Variants in HDAC9 observed in about 807,000 individuals in gnomAD.
The protein encoded by HDAC9 is MEF-2 interacting transcription repressor (MITR) protein.
In HDAC9, 41 loss-of-function variants were observed where a neutral mutation model predicts 139.4. The observed-to-expected ratio is 0.29, with a 90% confidence interval of 0.23 to 0.38. The LOEUF (loss-of-function observed/expected upper bound fraction) is 0.38, where lower values mean the gene tolerates loss of function less well. HDAC9 is among the 10% of genes least tolerant of loss of function. HDAC9 has a pLI of 1.00. For missense variants in HDAC9, 1,147 were observed against 1,297.0 expected, an observed-to-expected ratio of 0.88 and a Z score of 1.78; for synonymous variants, 517 against 476.2, an observed-to-expected ratio of 1.09 and a Z score of -1.12.
At chr7:18,920,857 G>A (rs917242597) in intron 22 of HDAC9, among the ~76,000 whole-genome samples, 10 of 152,196 alleles carry the variant, frequency 6.6e-5, no homozygotes, top group Non-Finnish European at 1.5e-4. Context: ...CTTGATCATG[G>A]TGGATAAGCT....
At position 18,793,356 on chromosome 7, in the gene HDAC9, C is replaced by T. The variant is rs1369838923; in HGVS notation, c.2226C>T (p.Asp742=). The T allele has an allele frequency of 1.3e-6, 2 of 1,574,100 alleles. No individual in the cohort carries two copies. Among genetic ancestry groups the T allele is most frequent in the Admixed American group, 3.7e-5 (2 of 54,062 alleles). Residue 742 remains aspartate, a synonymous_variant, in exon 17 of 26, where the codon GAC becomes GAT. Coordinates refer to ENST00000686413, the MANE Select transcript of HDAC9 (RefSeq NM_178425.4). Reference sequence around the variant, plus strand: ...GACTGTTTGCTCAGGTGGACAGTGACACCATTTGGAATGAGCTACACTCGT... The same window carrying T: ...GACTGTTTGCTCAGGTGGACAGTGATACCATTTGGAATGAGCTACACTCGT... ...LPCGGLGVDS[D]TIWNELHSSG... is the part of the protein sequence containing the mutation.
chr7:18,171,073 C>A (rs1001811504), intron 2 of HDAC9, among the ~76,000 whole-genome samples: 8 of 152,174 alleles, frequency 5.3e-5, no homozygotes, highest in Admixed American at 2.0e-4. Flanking sequence ...TCTTCCTATC[C>A]ATGAGCATGG....
intron 21 of HDAC9, among the ~76,000 whole-genome samples, chr7:18,839,944 T>C (rs1796482521): frequency 1.3e-5 from 2 of 152,090 alleles, no homozygotes. Context: ...CAATTATGAA[T>C]CTCATGCTTC....
At chr7:18,639,777 C>T (rs1159286343) in intron 8 of HDAC9, among the ~76,000 whole-genome samples, 7 of 152,002 alleles carry the variant, frequency 4.6e-5, no homozygotes, top group Non-Finnish European at 1.0e-4. Flanking sequence ...CTGATTGACA[C>T]TCATAAGGAT....
intron 1 of HDAC9, among the ~76,000 whole-genome samples, chr7:18,337,668 T>C (rs75323642): frequency 1.7e-3 from 257 of 151,822 alleles, no homozygotes; most frequent in African/African-American, 6.1e-3. Flanking sequence ...TTCATTACCA[T>C]TGAGTAGAAA....
Position 18,761,078 on chromosome 7 carries a change from C to G in HDAC9, c.2044-1079C>G, listed in dbSNP as rs114279760. On this transcript the variant is annotated intron_variant, in intron 14 of 25. Coordinates refer to ENST00000686413, the MANE Select transcript of HDAC9 (RefSeq NM_178425.4). Reference sequence around the variant, plus strand: ...TACTTCAATATTAACTTACAGCTGCCTTGTGGTTATATATATTTTTAAGTG... The same window carrying G: ...TACTTCAATATTAACTTACAGCTGCGTTGTGGTTATATATATTTTTAAGTG... Among the ~76,000 whole-genome samples, 481 of 152,274 alleles carry G rather than the reference C, an allele frequency of 3.2e-3. 1 individual carries two copies. The highest frequency in any genetic ancestry group is 0.011 in the African/African-American group (461 of 41,572).
At chr7:18,273,056 G>GTTTTTTTTTTT (rs746089054) in intron 2 of HDAC9, among the ~76,000 whole-genome samples, 2 of 84,784 alleles carry the variant, frequency 2.4e-5, no homozygotes, top group African/African-American at 6.0e-5. Flanking sequence ...CCCCTTCTTC[G>GTTTTTTTTTTT]TTTTTTTTTT....
intron 1 of HDAC9, among the ~76,000 whole-genome samples, chr7:18,452,318 C>T (rs532024959): frequency 1.8e-4 from 27 of 152,150 alleles, no homozygotes; most frequent in African/African-American, 4.8e-4. Flanking sequence ...GTCCAGGATA[C>T]GTCAGTAAGA....
intron 1 of HDAC9, among the ~76,000 whole-genome samples, chr7:18,342,669 T>C (rs1240582638): frequency 6.6e-6 from 1 of 151,808 alleles, no homozygotes; most frequent in Non-Finnish European, 1.5e-5. Flanking sequence ...GGCTGATAAA[T>C]TTTACTGATG....
At chr7:18,961,779 A>C (rs1263664976) in intron 24 of HDAC9, among the ~76,000 whole-genome samples, 1 of 152,178 alleles carries the variant, frequency 6.6e-6, no homozygotes, top group Non-Finnish European at 1.5e-5. Flanking sequence ...GAGGCACATC[A>C]AGGTTCATTG....
chr7:18,413,449 A>G (rs999870246), intron 1 of HDAC9, among the ~76,000 whole-genome samples: 1 of 152,122 alleles, frequency 6.6e-6, no homozygotes, highest in African/African-American at 2.4e-5. Flanking sequence ...TTGAAGTCCT[A>G]ATGTTAATAC....
intron 2 of HDAC9, among the ~76,000 whole-genome samples, chr7:18,584,214 C>T (rs917633410): frequency 9.2e-5 from 13 of 141,242 alleles, no homozygotes; most frequent in African/African-American, 3.4e-4. Context: ...GATCTCGGCT[C>T]ACTGCAAGCT....
At chr7:18,845,313 G>C (rs1397806395) in intron 21 of HDAC9, among the ~76,000 whole-genome samples, 8 of 152,006 alleles carry the variant, frequency 5.3e-5, no homozygotes, top group Non-Finnish European at 1.2e-4. Flanking sequence ...GGTGAGTCTG[G>C]CACAGGTCTC....
intron 13 of HDAC9, among the ~76,000 whole-genome samples, chr7:18,732,368 T>C (rs999490787): frequency 4.6e-5 from 7 of 151,924 alleles, no homozygotes; most frequent in African/African-American, 1.7e-4. Context: ...TCTATAAGCT[T>C]CTCTTTAATA....
At chr7:18,866,330 GCTTA>G (rs1798493974) in intron 21 of HDAC9, among the ~76,000 whole-genome samples, 1 of 151,954 alleles carries the variant, frequency 6.6e-6, no homozygotes, top group African/African-American at 2.4e-5. Flanking sequence ...CTTATTACAT[GCTTA>G]CTTGTTTATT....
rs768666484 is a variant in HDAC9 at position 18,816,970 on chromosome 7, T to G, written c.2323-12191T>G. Among the ~76,000 whole-genome samples the G allele has an allele frequency of 6.5e-4, 99 of 152,094 alleles. 1 individual carries two copies. Among genetic ancestry groups the G allele is most frequent in the Non-Finnish European group, 1.2e-3 (79 of 68,002 alleles). ...GTAATTTTTTGGGCCCTATTCAACT[T>G]TACCCGAATAAAAGGGGGAAAATTC... is the stretch of plus-strand genomic sequence containing the variant. On this transcript the variant is annotated intron_variant, in intron 17 of 25. Coordinates refer to ENST00000686413, the MANE Select transcript of HDAC9 (RefSeq NM_178425.4).
intron 6 of HDAC9, among the ~76,000 whole-genome samples, chr7:18,600,958 C>G (rs1005416271): frequency 6.6e-6 from 1 of 152,240 alleles, no homozygotes; most frequent in Non-Finnish European, 1.5e-5. Flanking sequence ...CACACACCAA[C>G]ATGCCTGGCT....
At chr7:18,292,404 G>C (rs1384026304) in intron 1 of HDAC9, among the ~76,000 whole-genome samples, 1 of 152,058 alleles carries the variant, frequency 6.6e-6, no homozygotes, top group Admixed American at 6.6e-5. Context: ...TTGCTCTTAG[G>C]CTTCCTGAAG....
chr7:18,560,180 A>T (rs976710908), intron 2 of HDAC9, among the ~76,000 whole-genome samples: 1 of 152,218 alleles, frequency 6.6e-6, no homozygotes, highest in Non-Finnish European at 1.5e-5. Flanking sequence ...GACTGATCTG[A>T]CATAATATTA....
Sources: allele counts gnomAD v4.1 joint callset (sites outside exome capture counted in the v4.1 genomes callset), GRCh38; gene constraint gnomAD v4.1.1; transcripts MANE v1.5; gene names NCBI Gene and HGNC (gene_info 2026-07-23, HGNC 2026-07-21).